The following CD99 variants were observed in gnomAD, a reference collection of about 807,000 sequenced individuals.
CD99 encodes CD99 antigen.
Under a neutral mutation model 28.4 loss-of-function variants are expected in CD99, and 19 were observed. That is an observed-to-expected ratio of 0.67 (90% CI 0.47 to 0.98). CD99 has a LOEUF of 0.98. Ranked by LOEUF, CD99 falls within the 50% of genes least tolerant of loss-of-function variation. CD99 has a pLI of 0.00. For synonymous variants in CD99, 103 were observed against 92.1 expected (o/e 1.12, Z -0.67); for missense variants, 283 against 248.8 (o/e 1.14, Z -0.92).
chrX:2,741,084 G>A lies in CD99; in HGVS notation c.*280G>A. The A allele has an allele frequency of 2.0e-6, 1 of 502,386 alleles. No homozygotes were observed. Among genetic ancestry groups the A allele is most frequent in the Non-Finnish European group, 3.6e-6 (1 of 281,684 alleles). The allele number at this position is 502,386 out of a possible 1,614,324, so 31.1% of individuals were successfully genotyped here. Reference sequence around the variant, plus strand: ...GATGTGAAAGGCTGGCCATTATTAAGTCCCTGTAACTCAAATGTCAACCCC... The same window carrying A: ...GATGTGAAAGGCTGGCCATTATTAAATCCCTGTAACTCAAATGTCAACCCC... On this transcript the variant is annotated 3_prime_UTR_variant, in exon 10 of 10. Coordinates refer to ENST00000381192, the MANE Select transcript of CD99 (RefSeq NM_002414.5).
intron 1 of CD99, chrX:2,691,942 T>G (rs2236738): frequency 5.1e-6 from 4 of 777,846 alleles, no homozygotes; most frequent in South Asian, 1.3e-5. Context: ...AAAAAAACTT[T>G]GAGCCCTGAA....
chrX:2,702,440 G>A (rs1319561304), intron 1 of CD99, among the ~76,000 whole-genome samples: 2 of 151,428 alleles, frequency 1.3e-5, no homozygotes, highest in African/African-American at 4.8e-5. Context: ...GATATATTTT[G>A]GACACCATGA....
intron 1 of CD99, chrX:2,692,251 A>G (rs925280840): frequency 1.3e-4 from 16 of 125,938 alleles, no homozygotes; most frequent in African/African-American, 8.8e-4. Flanking sequence ...TTCATGTTAT[A>G]AATTCTTTTT....
At position 2,736,168 on chromosome X, in the gene CD99, T is replaced by C. The variant is rs549943470; in HGVS notation, c.476-2032T>C. On this transcript the variant is annotated intron_variant, in intron 8 of 9. Transcript: ENST00000381192. ...AGTGAGCCGAGATCGCGCCACTGCG[T>C]TCCAGCCTGGGCGACAGAGCAAGAC... is the stretch of plus-strand genomic sequence containing the variant. 5.6e-4 allele frequency among the ~76,000 whole-genome samples: 84 copies of C among 149,500 alleles called. No homozygotes were observed. The South Asian group carries it at 0.015, about 27-fold the overall frequency.
intron 1 of CD99, among the ~76,000 whole-genome samples, chrX:2,704,108 G>T (rs1160981854): frequency 6.6e-6 from 1 of 152,160 alleles, no homozygotes. Flanking sequence ...CGTCTCCCCA[G>T]GTCCCTCGCA....
chrX:2,692,099 AG>A, intron 1 of CD99: 1 of 601,396 alleles, frequency 1.7e-6, no homozygotes, highest in Non-Finnish European at 3.0e-6. Flanking sequence ...AAAAGTGGGC[AG>A]GGAAGAAAGA....
At chrX:2,736,639 C>G (rs745421641) in intron 8 of CD99, among the ~76,000 whole-genome samples, 2 of 151,974 alleles carry the variant, frequency 1.3e-5, no homozygotes, top group African/African-American at 2.4e-5. Context: ...GGGCGGATCA[C>G]AAGGTCAGGA....
chrX:2,731,096 G>T (rs1276419014), intron 8 of CD99, among the ~76,000 whole-genome samples: 1 of 152,172 alleles, frequency 6.6e-6, no homozygotes, highest in African/African-American at 2.4e-5. Flanking sequence ...ACATGATTTT[G>T]TTAGTAGACA....
intron 1 of CD99, among the ~76,000 whole-genome samples, chrX:2,712,451 C>T (rs1236972124): frequency 6.6e-6 from 1 of 152,042 alleles, no homozygotes; most frequent in Non-Finnish European, 1.5e-5. Context: ...AATACAATTA[C>T]AGATTTCTAT....
chrX:2,717,562 C>T (rs760409108), intron 2 of CD99, 43 bp from the exon 3 acceptor site: 61 of 1,485,662 alleles, frequency 4.1e-5, no homozygotes, highest in Non-Finnish European at 5.7e-5. Context: ...CACTTGTTTT[C>T]CCAGCTGCAA....
At chrX:2,692,476 A>G (rs970794958) in intron 1 of CD99, among the ~76,000 whole-genome samples, 1 of 152,144 alleles carries the variant, frequency 6.6e-6, no homozygotes, top group Non-Finnish European at 1.5e-5. Flanking sequence ...CCGGGTCTCT[A>G]TTTTTAGGGA....
chrX:2,717,167 T>A (rs1376452984), intron 2 of CD99, among the ~76,000 whole-genome samples: 1 of 151,888 alleles, frequency 6.6e-6, no homozygotes, highest in Admixed American at 6.6e-5. Context: ...GCCAACGTGG[T>A]GAAACCCCAT....
intron 1 of CD99, among the ~76,000 whole-genome samples, chrX:2,700,936 A>G (rs373402741): frequency 8.9e-6 from 1 of 111,896 alleles, no homozygotes; most frequent in Admixed American, 8.8e-5. Flanking sequence ...CATCCACCCA[A>G]CCATCCATCC....
chrX:2,704,045 C>G (rs1212657679), intron 1 of CD99, among the ~76,000 whole-genome samples: 1 of 152,092 alleles, frequency 6.6e-6, no homozygotes, highest in Non-Finnish European at 1.5e-5. Context: ...GGCTCATGAG[C>G]CTCACCCCAG....
intron 1 of CD99, among the ~76,000 whole-genome samples, chrX:2,713,022 A>C (rs1261965144): frequency 2.6e-5 from 4 of 151,946 alleles, no homozygotes; most frequent in African/African-American, 9.7e-5. Context: ...GCACAAACAC[A>C]CAAATGCACA....
intron 8 of CD99, among the ~76,000 whole-genome samples, chrX:2,728,605 G>C (rs954208160): frequency 6.6e-6 from 1 of 152,134 alleles, no homozygotes; most frequent in Non-Finnish European, 1.5e-5. Context: ...TTGGAAAAAA[G>C]CAAACAGCAT....
chrX:2,725,214 C>T (rs2049211561), intron 7 of CD99, among the ~76,000 whole-genome samples: 1 of 151,562 alleles, frequency 6.6e-6, no homozygotes, highest in Admixed American at 6.6e-5. Context: ...GACTGGGCAA[C>T]ATAGCAAGAC....
chrX:2,738,410 A>T (rs913991442), intron 9 of CD99, 154 bp downstream of exon 9: 2 of 201,288 alleles, frequency 9.9e-6, no homozygotes, highest in East Asian at 3.7e-4. Context: ...TTGGAGGGAT[A>T]CTTTCAAAAG....
rs2049181664 is a variant in CD99, at chrX:2,724,721, A to G, written c.361+1357A>G. On this transcript the variant is annotated intron_variant, in intron 7 of 9. Coordinates refer to ENST00000381192, the MANE Select transcript of CD99 (RefSeq NM_002414.5). ...GGAGTTCGAGACCAGCCTGGCCAAG[A>G]TGGTGAAACCCCATCTCTACAAAAA... 2.6e-5 allele frequency among the ~76,000 whole-genome samples: 4 copies of G among 152,174 alleles called. No homozygotes were observed. The South Asian group carries it at 8.3e-4, about 32-fold the overall frequency.
Sources: allele counts gnomAD v4.1 joint callset (sites outside exome capture counted in the v4.1 genomes callset), GRCh38; gene constraint gnomAD v4.1.1; transcripts MANE v1.5; gene names NCBI Gene and HGNC (gene_info 2026-07-23, HGNC 2026-07-21).